The following CDH17 variants were observed in gnomAD, a reference collection of about 807,000 sequenced individuals.
The protein encoded by CDH17 is cadherin 17.
A neutral mutation model predicts 86.3 loss-of-function variants in CDH17; 67 were observed. That is an observed-to-expected ratio of 0.78 (90% CI 0.64 to 0.95). The LOEUF (loss-of-function observed/expected upper bound fraction) is 0.95. Ranked by LOEUF, CDH17 falls within the 40% of genes least tolerant of loss-of-function variation. The probability of loss-of-function intolerance (pLI) is 0.00; values close to 1 mark genes in which losing one functional copy is unlikely to be tolerated. For synonymous variants in CDH17, 367 were observed against 366.4 expected (o/e 1.00, Z -0.02); for missense variants, 993 against 1,017.6 (o/e 0.98, Z 0.33).
Position 94,151,969 on chromosome 8 carries a change from T to C in CDH17, c.1695A>G (p.Gln565=), listed in dbSNP as rs774890348. 6 of 1,614,048 alleles carry C rather than the reference T, an allele frequency of 3.7e-6. No homozygotes were observed. In the African/African-American group the frequency reaches 5.3e-5, roughly 14 times the overall value. ...TCGCTTGGAATACGTGTTGGGAAAA[T>C]TGAGGTGCTTCATTCACATCTGTCA... is the stretch of plus-strand genomic sequence containing the variant. ...LIVTDVNEAP[Q]FSQHVFQAKV... The change falls in exon 13 of 18, where the codon CAA becomes CAG. Residue 565 remains glutamine, a synonymous_variant. Transcript: ENST00000027335.
At chr8:94,212,606 A>T (rs1704556484), upstream of CDH17, among the ~76,000 whole-genome samples, 2 of 122,344 alleles carry the variant, frequency 1.6e-5, no homozygotes, top group South Asian at 5.5e-4. Flanking sequence ...AGAAACACTG[A>T]ATCATACATA....
intron 15 of CDH17, among the ~76,000 whole-genome samples, chr8:94,135,241 CT>C (rs1812499319): frequency 6.6e-6 from 1 of 152,100 alleles, no homozygotes. Flanking sequence ...ATTGATATGT[CT>C]AATATTGACA....
rs1324199191 is a variant in CDH17, at chr8:94,151,867, C to G, written c.1796+1G>C. On this transcript the variant is annotated splice_donor_variant, in intron 13 of 17. Coordinates refer to ENST00000027335, the MANE Select transcript of CDH17 (RefSeq NM_004063.4). LOFTEE classifies it high-confidence loss of function. ...GCCTGCCCAGCACTGTTGCCCTTTA[C>G]CTTATGTCCAGACCTTCTGGATCCT... The G allele has an allele frequency of 6.2e-7, 1 of 1,614,138 alleles. No individual in the cohort carries two copies. Among genetic ancestry groups the G allele is most frequent in the South Asian group, 1.1e-5 (1 of 91,078 alleles).
chr8:94,174,211 A>C lies in CDH17; in HGVS notation c.474T>G (p.Thr158=), dbSNP rs374755348. Residue 158 remains threonine (T), a synonymous_variant, in exon 6 of 18, where the codon ACT becomes ACG. Coordinates refer to ENST00000027335, the MANE Select transcript of CDH17 (RefSeq NM_004063.4). Reference sequence around the variant, plus strand: ...TCTGGTAATAAAGCTGGCCATTGGGAGTGGCCGGATCATCCAGGTCTGTGG... The same window carrying C: ...TCTGGTAATAAAGCTGGCCATTGGGCGTGGCCGGATCATCCAGGTCTGTGG... ...VNATDLDDPA[T]PNGQLYYQIV... The C allele has an allele frequency of 1.9e-6, 3 of 1,613,036 alleles. No individual in the cohort carries two copies. The African/African-American group carries it at 4.0e-5, about 22-fold the overall frequency.
At chr8:94,163,640 A>C (rs1323134995) in intron 10 of CDH17, among the ~76,000 whole-genome samples, 3 of 152,190 alleles carry the variant, frequency 2.0e-5, no homozygotes, top group Non-Finnish European at 4.4e-5. Context: ...CCCTTCTTTC[A>C]ACTCTTTGAG....
chr8:94,128,296 C>CT lies in CDH17; in HGVS notation c.2442dup (p.Gly815ArgfsTer4). The stretch of plus-strand genomic sequence containing the variant: ...TGAGCACTTTCAACATTATCTTTGC[C>CT]TTTATCCTTCTTTATGCGGATAAAC... On this transcript the variant is annotated frameshift_variant, in exon 18 of 18. Coordinates refer to ENST00000027335, the MANE Select transcript of CDH17 (RefSeq NM_004063.4). LOFTEE classifies it high-confidence loss of function. 6.2e-7 allele frequency: 1 copy of CT among 1,613,394 alleles called. No homozygotes were observed. The highest frequency in any genetic ancestry group is 1.1e-5 in the South Asian group (1 of 91,054).
intron 17 of CDH17, 140 bp from the exon 18 acceptor site, chr8:94,128,480 A>G (rs1404601342): frequency 1.6e-6 from 1 of 620,676 alleles, no homozygotes; most frequent in Non-Finnish European, 2.8e-6. Context: ...TCACTGTCCT[A>G]GTGAATAAGG....
intron 2 of CDH17, among the ~76,000 whole-genome samples, chr8:94,190,549 G>T (rs534083671): frequency 6.6e-6 from 1 of 152,198 alleles, no homozygotes; most frequent in Non-Finnish European, 1.5e-5. Context: ...TCCTGGGCAC[G>T]ACTTTGGGTC....
At chr8:94,214,804 A>G (rs902399069) in intron 1 of CDH17, among the ~76,000 whole-genome samples, 5 of 96,898 alleles carry the variant, frequency 5.2e-5, no homozygotes, top group Admixed American at 4.7e-4. Context: ...ACAGCAACCC[A>G]ATCAAAAAAT....
chr8:94,174,302 T>A (rs973388261), intron 5 of CDH17, 42 bp from the exon 6 acceptor site: 2 of 1,494,924 alleles, frequency 1.3e-6, no homozygotes, highest in Non-Finnish European at 1.8e-6. Context: ...AAAAAAGATA[T>A]TAATTGAAAC....
Position 94,200,532 on chromosome 8 carries a change from C to CTTTTTTTTTTTTTT in CDH17, c.-20-5828_-20-5827insAAAAAAAAAAAAAA, listed in dbSNP as rs1387182561. On this transcript the variant is annotated intron_variant, in intron 1 of 17. Coordinates refer to ENST00000027335, the MANE Select transcript of CDH17 (RefSeq NM_004063.4). ...TAGATCAGAGGGTTATTATTATTAT[C>CTTTTTTTTTTTTTT]TTTTGTTTTTTTTTTTTTTTTTTTT... 2.2e-4 allele frequency among the ~76,000 whole-genome samples: 11 copies of CTTTTTTTTTTTTTT among 50,236 alleles called. 3 individuals carry two copies. Among genetic ancestry groups the CTTTTTTTTTTTTTT allele is most frequent in the African/African-American group, 5.5e-4 (7 of 12,788 alleles). The allele number at this position is 50,236 out of a possible 152,430, so 33.0% of individuals were successfully genotyped here. A position where few individuals can be genotyped will look rare whatever the true frequency, so the allele number is the denominator to read the frequency against.
chr8:94,209,945 G>A (rs1042302898), upstream of CDH17, among the ~76,000 whole-genome samples: 11 of 151,498 alleles, frequency 7.3e-5, no homozygotes, highest in Admixed American at 3.3e-4. Context: ...AAAATAAAGT[G>A]CATATGTATC....
chr8:94,165,876 G>T lies in CDH17; in HGVS notation c.1167C>A (p.Pro389=). ...TTTGGATTAGGAAGAGTCCATCCAT[G>T]GGAAGTTTGGGAGTTTGCTCCACAA... ...YRIVEQTPKL[P]MDGLFLIQTY... The change falls in exon 10 of 18, where the codon CCC becomes CCA. Residue 389 remains proline, a synonymous_variant. Transcript: ENST00000027335. 6.2e-7 allele frequency: 1 copy of T among 1,613,484 alleles called. No homozygotes were observed. The highest frequency in any genetic ancestry group is 1.3e-5 in the African/African-American group (1 of 75,016).
intron 14 of CDH17, among the ~76,000 whole-genome samples, chr8:94,146,577 G>A (rs1301581188): frequency 6.6e-6 from 1 of 152,200 alleles, no homozygotes; most frequent in African/African-American, 2.4e-5. Flanking sequence ...TCCCACATAT[G>A]AGTGAATGTT....
At chr8:94,137,336 C>T (rs1812549609) in intron 15 of CDH17, among the ~76,000 whole-genome samples, 1 of 152,168 alleles carries the variant, frequency 6.6e-6, no homozygotes, top group Non-Finnish European at 1.5e-5. Flanking sequence ...CTACTGAAGC[C>T]TCAGCAATGG....
intron 1 of CDH17, among the ~76,000 whole-genome samples, chr8:94,215,258 T>C (rs1371688590): frequency 3.3e-5 from 5 of 152,198 alleles, no homozygotes; most frequent in Admixed American, 6.5e-5. Context: ...AACTGATGGA[T>C]AAAATGTGGT....
At chr8:94,210,225 G>GGAAAAAA (rs1563594359), upstream of CDH17, among the ~76,000 whole-genome samples, 1 of 16,118 alleles carries the variant, frequency 6.2e-5, no homozygotes, top group Non-Finnish European at 1.3e-4. Context: ...CTTTATGCGA[G>GGAAAAAA]TAAAAAAAAA....
intron 15 of CDH17, among the ~76,000 whole-genome samples, chr8:94,143,050 T>C (rs1563567069): frequency 6.6e-6 from 1 of 152,230 alleles, no homozygotes; most frequent in Non-Finnish European, 1.5e-5. Context: ...CAGAAGGTTT[T>C]CAATTTACTT....
intron 15 of CDH17, among the ~76,000 whole-genome samples, chr8:94,139,180 A>G (rs1235787103): frequency 6.6e-6 from 1 of 152,198 alleles, no homozygotes; most frequent in Non-Finnish European, 1.5e-5. Context: ...TTTATAGAAG[A>G]AAACTACAAA....
Sources: allele counts gnomAD v4.1 joint callset (sites outside exome capture counted in the v4.1 genomes callset), GRCh38; gene constraint gnomAD v4.1.1; transcripts MANE v1.5; gene names NCBI Gene and HGNC (gene_info 2026-07-23, HGNC 2026-07-21).